Variants in MEIG1 observed in about 807,000 individuals in gnomAD.
MEIG1 encodes meiosis expressed gene 1 protein homolog.
MEIG1 carries 12 observed loss-of-function variants against 11.3 expected under a neutral mutation model. The observed-to-expected ratio is 1.07, with a 90% confidence interval of 0.68 to 1.73. The LOEUF is 1.73. MEIG1 is among the 40% of genes most tolerant of loss of function. The pLI, the probability that MEIG1 is intolerant of heterozygous loss-of-function variation, is 0.00. For missense variants in MEIG1, 119 were observed against 104.9 expected (o/e 1.13, Z -0.59); for synonymous variants, 41 against 33.2 (o/e 1.24, Z -0.81).
chr10:14,954,884 A>G (rs933036336), upstream of MEIG1, among the ~76,000 whole-genome samples: 2 of 152,176 alleles, frequency 1.3e-5, no homozygotes, highest in African/African-American at 4.8e-5. Flanking sequence ...CCTTCCTATC[A>G]AATCTCCTTA....
chr10:14,958,882 C>T (rs745601702), upstream of MEIG1, among the ~76,000 whole-genome samples: 1 of 151,454 alleles, frequency 6.6e-6, no homozygotes, highest in South Asian at 2.1e-4. Context: ...GGCGACGGAG[C>T]GAGACTCCGT....
chr10:14,961,633 G>A (rs1843013683), intron 1 of MEIG1, among the ~76,000 whole-genome samples: 1 of 52,130 alleles, frequency 1.9e-5, no homozygotes, highest in Non-Finnish European at 4.9e-5. Flanking sequence ...CACCGCATCC[G>A]GCTAATTTTT....
In MEIG1 at chr10:14,978,372, C is replaced by A. The variant is rs1843231995; in HGVS notation, n.66+5752C>A. Reference sequence around the variant, plus strand: ...CTGCTAATATCACAGTGATTGTCCACACTGTGATATTATTAGTAACATCCT... The same window carrying A: ...CTGCTAATATCACAGTGATTGTCCAAACTGTGATATTATTAGTAACATCCT... On this transcript the variant is annotated intron_variant and non_coding_transcript_variant, in intron 1 of 2. Transcript: ENST00000467536. Among the ~76,000 whole-genome samples, 3 of 152,020 alleles carry A rather than the reference C, an allele frequency of 2.0e-5. No homozygotes were observed. The South Asian group carries it at 6.2e-4, about 32-fold the overall frequency.
intron 1 of MEIG1, among the ~76,000 whole-genome samples, chr10:14,979,905 T>C (rs1246664612): frequency 1.3e-5 from 2 of 152,034 alleles, no homozygotes; most frequent in African/African-American, 2.4e-5. Flanking sequence ...ATTATTTCTA[T>C]TGTCAGAGGA....
At chr10:14,956,431 A>T (rs1213537063), upstream of MEIG1, among the ~76,000 whole-genome samples, 1 of 151,360 alleles carries the variant, frequency 6.6e-6, no homozygotes, top group African/African-American at 2.4e-5. Flanking sequence ...ATAAAAAAAA[A>T]AATAGCCAGG....
chr10:14,971,228 A>AATAATAATAATG (rs1217421914), intron 2 of MEIG1, among the ~76,000 whole-genome samples: 3 of 149,230 alleles, frequency 2.0e-5, no homozygotes, highest in Non-Finnish European at 4.4e-5. Flanking sequence ...TAATAATAAT[A>AATAATAATAATG]ATAATAATAA....
chr10:14,986,345 C>A (rs1843318743), intron 1 of MEIG1, among the ~76,000 whole-genome samples: 1 of 152,060 alleles, frequency 6.6e-6, no homozygotes, highest in East Asian at 1.9e-4. Flanking sequence ...AACAAAAAAC[C>A]AGCATGATTT....
intron 1 of MEIG1, among the ~76,000 whole-genome samples, chr10:14,963,663 C>T (rs915745733): frequency 2.3e-4 from 35 of 152,214 alleles, no homozygotes; most frequent in African/African-American, 7.0e-4. Context: ...TACATAAACT[C>T]GTATAATACT....
At chr10:14,972,262 G>T (rs181068745) in intron 2 of MEIG1, among the ~76,000 whole-genome samples, 66 of 152,256 alleles carry the variant, frequency 4.3e-4, no homozygotes, top group African/African-American at 1.5e-3. Context: ...TGATCCACCT[G>T]CCTCAGCCTC....
In MEIG1 at chr10:14,966,541, TAC is replaced by T; in HGVS notation, c.75_76del (p.Tyr25Ter). The T allele has an allele frequency of 6.2e-7, 1 of 1,612,770 alleles. No homozygotes were observed. The highest frequency in any genetic ancestry group is 8.5e-7 in the Non-Finnish European group (1 of 1,179,508). ...KKWSEEIENLYRFQQAGYRDE... is the reference protein window; with the variant it reads ...KKWSEEIENLXRFQQAGYRDE... ...ATGGTCAGAAGAGATAGAAAATCTG[TAC>T]AGATTTCAACAAGCAGGATATCGGG... On this transcript the variant is annotated frameshift_variant, in exon 2 of 3. Transcript: ENST00000407572. LOFTEE classifies it high-confidence loss of function.
At chr10:14,982,516 T>G (rs1843275255) in intron 1 of MEIG1, among the ~76,000 whole-genome samples, 1 of 152,122 alleles carries the variant, frequency 6.6e-6, no homozygotes, top group South Asian at 2.1e-4. Context: ...TTAGGGCTTG[T>G]GGCTTTTCCT....
At chr10:14,984,540 A>T (rs1471992253) in intron 1 of MEIG1, among the ~76,000 whole-genome samples, 2 of 151,902 alleles carry the variant, frequency 1.3e-5, no homozygotes, top group East Asian at 1.9e-4. Context: ...TCCTAAGGGG[A>T]GGTTACTTTT....
chr10:14,980,437 C>G (rs551961435), intron 1 of MEIG1, among the ~76,000 whole-genome samples: 6 of 152,094 alleles, frequency 3.9e-5, no homozygotes, highest in African/African-American at 1.4e-4. Flanking sequence ...ACAGTGATAT[C>G]ATTTGTGATA....
chr10:14,984,910 A>C (rs1197410666), intron 1 of MEIG1, among the ~76,000 whole-genome samples: 1 of 152,094 alleles, frequency 6.6e-6, no homozygotes, highest in Non-Finnish European at 1.5e-5. Context: ...ATAATATTCC[A>C]GGAAAACATT....
chr10:14,979,682 T>C (rs1843245485), intron 1 of MEIG1, among the ~76,000 whole-genome samples: 1 of 152,020 alleles, frequency 6.6e-6, no homozygotes, highest in African/African-American at 2.4e-5. Flanking sequence ...ATTTCAAATA[T>C]CCTAAAGAGA....
Position 14,972,758 on chromosome 10 carries a change from G to T in MEIG1, c.*117G>T, listed in dbSNP as rs1221732714. 9 of 1,044,926 alleles carry T rather than the reference G, an allele frequency of 8.6e-6. No individual in the cohort carries two copies. The highest frequency in any genetic ancestry group is 2.7e-6 in the Non-Finnish European group (2 of 742,634). The allele number at this position is 1,044,926 out of a possible 1,614,324, so 64.7% of individuals were successfully genotyped here. A position where few individuals can be genotyped will look rare whatever the true frequency, so the allele number is the denominator to read the frequency against. ...GATGCAGTCTGCAGTTTAATGTTTT[G>T]TGAAACACAAAAGCCATGAGAATTG... On this transcript the variant is annotated 3_prime_UTR_variant, in exon 3 of 3. Coordinates refer to ENST00000407572, the MANE Select transcript of MEIG1 (RefSeq NM_001080836.3).
chr10:14,973,052 GA>G (rs1208525776), downstream of MEIG1, among the ~76,000 whole-genome samples: 1 of 151,964 alleles, frequency 6.6e-6, no homozygotes, highest in Non-Finnish European at 1.5e-5. Flanking sequence ...ATTTAATAGA[GA>G]TATGATTTCA....
chr10:14,970,362 A>T (rs2298113), intron 2 of MEIG1: 122,640 of 152,248 alleles, frequency 0.81, 49,999 homozygotes, highest in African/African-American at 0.93. Flanking sequence ...TCAACAAGCA[A>T]AGGAGCAACT....
At chr10:14,985,819 T>G (rs537834223) in intron 1 of MEIG1, among the ~76,000 whole-genome samples, 4 of 152,180 alleles carry the variant, frequency 2.6e-5, no homozygotes, top group East Asian at 1.9e-4. Flanking sequence ...AATATCACAG[T>G]GGATGTACAC....
Sources: gnomAD v4.1 joint callset for allele counts (sites outside exome capture counted in the v4.1 genomes callset) on GRCh38, gnomAD v4.1.1 for gene constraint, MANE v1.5 for transcripts, NCBI Gene and HGNC (gene_info 2026-07-23, HGNC 2026-07-21) for gene names.